The following PRIM2 variants were observed in gnomAD, a reference collection of about 807,000 sequenced individuals.
The protein encoded by PRIM2 is DNA primase large subunit.
Under a neutral mutation model 67.3 loss-of-function variants are expected in PRIM2, and 39 were observed. That is an observed-to-expected ratio of 0.58 (90% CI 0.45 to 0.76). PRIM2 has a LOEUF of 0.76. Among genes scored for constraint, PRIM2 ranks in the 30% least tolerant of loss-of-function variants. PRIM2 has a pLI of 0.00. For synonymous variants in PRIM2, 143 were observed against 198.7 expected (o/e 0.72, Z 2.36); for missense variants, 398 against 598.7 (o/e 0.66, Z 3.50).
chr6:57,402,189 C>CT (rs1214064475), intron 7 of PRIM2, among the ~76,000 whole-genome samples: 2 of 152,198 alleles, frequency 1.3e-5, no homozygotes, highest in Non-Finnish European at 2.9e-5. Context: ...TTTCCAGTAC[C>CT]TGGAGGTATC....
intron 7 of PRIM2, among the ~76,000 whole-genome samples, chr6:57,462,641 T>C (rs73752232): frequency 1.3e-5 from 2 of 152,216 alleles, no homozygotes; most frequent in Non-Finnish European, 2.9e-5. Flanking sequence ...AGCTCTGTTG[T>C]AGGGAGTATT....
the PRIM2 span, among the ~76,000 whole-genome samples, chr6:57,253,231 C>T: frequency 1.3e-5 from 2 of 151,876 alleles, no homozygotes; most frequent in Admixed American, 6.6e-5. Context: ...GCAAAGAAAC[C>T]GGTGTAATTA....
At chr6:57,571,404 C>A (rs1775860418) in intron 10 of PRIM2, among the ~76,000 whole-genome samples, 1 of 152,134 alleles carries the variant, frequency 6.6e-6, no homozygotes, top group Non-Finnish European at 1.5e-5. Context: ...AATCCCAGCA[C>A]TTTGGGAGGC....
At position 57,575,267 on chromosome 6, in the gene PRIM2, A is replaced by G. The variant is rs1339761378; in HGVS notation, c.1021-25826A>G. On this transcript the variant is annotated intron_variant, in intron 10 of 13. Coordinates refer to ENST00000615550, the MANE Select transcript of PRIM2 (RefSeq NM_000947.5). ...TCTCACTGTCGAGTTAATACAGCCA[A>G]TAAATAAGATAGTAATTTCTATCAC... Among the ~76,000 whole-genome samples, 4 of 152,246 alleles carry G rather than the reference A, an allele frequency of 2.6e-5. No homozygotes were observed. The South Asian group carries it at 6.2e-4, about 24-fold the overall frequency.
intron 12 of PRIM2, among the ~76,000 whole-genome samples, chr6:57,625,939 T>A (rs1470857166): frequency 0.016 from 2,422 of 152,324 alleles, 29 homozygotes; most frequent in Middle Eastern, 0.031. Flanking sequence ...AGACTTGGCA[T>A]CTCCACCACA....
chr6:57,351,981 T>G (rs1768872142), intron 5 of PRIM2, among the ~76,000 whole-genome samples: 1 of 152,142 alleles, frequency 6.6e-6, no homozygotes, highest in Non-Finnish European at 1.5e-5. Flanking sequence ...CTTAATAGAA[T>G]TGTTGTGAAA....
intron 10 of PRIM2, among the ~76,000 whole-genome samples, chr6:57,569,868 T>G (rs1330476910): frequency 1.3e-5 from 2 of 152,036 alleles, no homozygotes; most frequent in Non-Finnish European, 2.9e-5. Flanking sequence ...CTTAGCCTCC[T>G]GAGTAGCTGG....
intron 7 of PRIM2, among the ~76,000 whole-genome samples, chr6:57,432,459 A>G (rs1223844884): frequency 1.3e-5 from 2 of 152,194 alleles, no homozygotes. Context: ...AAGAGTGGAC[A>G]CTTAATAGCT....
the PRIM2 span, chr6:57,222,088 C>T: frequency 6.6e-6 from 1 of 152,434 alleles, no homozygotes; most frequent in Non-Finnish European, 1.5e-5. Flanking sequence ...GGCGCAACCG[C>T]TGCCGCCGCT....
intron 7 of PRIM2, among the ~76,000 whole-genome samples, chr6:57,399,066 G>A (rs967117587): frequency 6.6e-6 from 1 of 151,008 alleles, no homozygotes; most frequent in Non-Finnish European, 1.5e-5. Flanking sequence ...TATACTTTAG[G>A]TTCTAGGGTA....
intron 12 of PRIM2, among the ~76,000 whole-genome samples, chr6:57,611,179 C>T (rs1390942738): frequency 5.3e-5 from 8 of 152,076 alleles, no homozygotes; most frequent in Admixed American, 2.6e-4. Context: ...TTACAGTGAA[C>T]AATTGGAAAT....
At chr6:57,266,684 G>A in the PRIM2 span, among the ~76,000 whole-genome samples, 1 of 152,166 alleles carries the variant, frequency 6.6e-6, no homozygotes, top group Non-Finnish European at 1.5e-5. Flanking sequence ...CACTTTGAGT[G>A]TATATGTAGA....
At chr6:57,513,754 A>G (rs1416232417) in intron 8 of PRIM2, among the ~76,000 whole-genome samples, 77 of 152,294 alleles carry the variant, frequency 5.1e-4, no homozygotes, top group African/African-American at 1.8e-3. Flanking sequence ...CGCACCTGTA[A>G]TCCCAGCTGC....
intron 7 of PRIM2, among the ~76,000 whole-genome samples, chr6:57,418,319 T>G (rs1478295389): frequency 6.9e-6 from 1 of 145,978 alleles, no homozygotes; most frequent in Non-Finnish European, 1.5e-5. Context: ...TAAAAAGATA[T>G]AGGATGAATA....
At chr6:57,455,015 C>G (rs1450836057) in intron 7 of PRIM2, among the ~76,000 whole-genome samples, 1 of 152,084 alleles carries the variant, frequency 6.6e-6, no homozygotes, top group African/African-American at 2.4e-5. Flanking sequence ...CAAAGACCAT[C>G]TTTATTTCTG....
chr6:57,545,511 A>C (rs1396957480), intron 10 of PRIM2, among the ~76,000 whole-genome samples: 1 of 151,960 alleles, frequency 6.6e-6, no homozygotes, highest in Non-Finnish European at 1.5e-5. Flanking sequence ...GCTCACCACA[A>C]CCTCCACCTC....
chr6:57,238,694 G>C, the PRIM2 span, among the ~76,000 whole-genome samples: 1 of 152,020 alleles, frequency 6.6e-6, no homozygotes, highest in Admixed American at 6.6e-5. Flanking sequence ...GCTAGCAGAA[G>C]GCAAGAAATA....
intron 5 of PRIM2, among the ~76,000 whole-genome samples, chr6:57,335,401 T>C (rs1768199612): frequency 6.6e-6 from 1 of 152,210 alleles, no homozygotes. Flanking sequence ...GCTCCACCTC[T>C]GGGGGCAGGG....
intron 5 of PRIM2, among the ~76,000 whole-genome samples, chr6:57,335,607 C>T (rs929219838): frequency 8.7e-4 from 133 of 152,312 alleles, no homozygotes; most frequent in African/African-American, 3.0e-3. Context: ...GGCAGACTGA[C>T]ACCTCACATG....
Sources: allele counts gnomAD v4.1 joint callset (sites outside exome capture counted in the v4.1 genomes callset), GRCh38; gene constraint gnomAD v4.1.1; transcripts MANE v1.5; gene names NCBI Gene and HGNC (gene_info 2026-07-23, HGNC 2026-07-21).